Variants in HERPUD1 observed in about 807,000 individuals in gnomAD.
HERPUD1 encodes homocysteine inducible ER protein with ubiquitin like domain 1, also known as homocysteine-responsive endoplasmic reticulum-resident ubiquitin-like domain member 1 protein.
HERPUD1 carries 17 observed loss-of-function variants against 45.0 expected under a neutral mutation model. That is an observed-to-expected ratio of 0.38 (90% CI 0.26 to 0.57). The LOEUF (loss-of-function observed/expected upper bound fraction) is 0.57. HERPUD1 is among the 20% of genes least tolerant of loss of function. The pLI is 0.72. For synonymous variants in HERPUD1, 164 were observed against 177.5 expected (o/e 0.92, Z 0.61); for missense variants, 420 against 490.5 (o/e 0.86, Z 1.36).
intron 6 of HERPUD1, chr16:56,941,403 T>C (rs1486295281): frequency 3.3e-5 from 5 of 152,220 alleles, no homozygotes; most frequent in Non-Finnish European, 5.9e-5. Context: ...GTGGTCCTGC[T>C]GGCGTCTAGT....
intron 4 of HERPUD1, 136 bp from the exon 5 acceptor site, chr16:56,939,101 T>G: frequency 1.1e-6 from 1 of 900,738 alleles, no homozygotes; most frequent in Non-Finnish European, 1.7e-6. Context: ...CGTCATACAG[T>G]CATTTACCAT....
Position 56,942,167 on chromosome 16 carries a change from C to G in HERPUD1, c.941C>G (p.Pro314Arg), listed in dbSNP as rs778038556. ...GGGTGGTTTCCATTTAGACCGAGGC[C>G]GGTTCAGAACTTCCCAAATGATGGT... ...HVGWFPFRPR[P>R]VQNFPNDGPP... The change falls in exon 7 of 8, where the codon CCG becomes CGG. Residue 314 changes from proline (P) to arginine (R), a missense_variant. Physicochemically the swap from Pro to Arg is moderately radical, Grantham distance 103 (BLOSUM62 -2). Coordinates refer to ENST00000439977, the MANE Select transcript of HERPUD1 (RefSeq NM_014685.4). The G allele has an allele frequency of 1.2e-6, 2 of 1,614,030 alleles. No individual in the cohort carries two copies. The highest frequency in any genetic ancestry group is 1.1e-5 in the South Asian group (1 of 91,076).
intron 5 of HERPUD1, 26 bp from the exon 6 acceptor site, chr16:56,939,869 A>G (rs2144823624): frequency 3.2e-6 from 5 of 1,578,160 alleles, no homozygotes; most frequent in Non-Finnish European, 4.4e-6. Flanking sequence ...TCTCAACAGT[A>G]TCTGCCTCTG....
At position 56,943,169 on chromosome 16, in the gene HERPUD1, C is replaced by G. The variant is rs369429331; in HGVS notation, c.1055C>G (p.Pro352Arg). The change falls in exon 8 of 8, where the codon CCA (proline) becomes CGA (arginine). Residue 352 changes from proline (P) to arginine (R), a missense_variant. Physicochemically the swap from Pro to Arg is moderately radical, Grantham distance 103. Transcript: ENST00000439977. The stretch of plus-strand genomic sequence containing the variant: ...ACTGAAGACCCCAACCACCTCCCTC[C>G]AGACAGGGATGTACTAGATGGCGAG... ...PETEDPNHLP[P>R]DRDVLDGEQT... The G allele has an allele frequency of 3.1e-6, 5 of 1,614,082 alleles. No homozygotes were observed. The African/African-American group carries it at 6.7e-5, about 22-fold the overall frequency.
Position 56,936,997 on chromosome 16 carries a change from C to G in HERPUD1, c.431+180C>G, listed in dbSNP as rs112497343. On this transcript the variant is annotated intron_variant, in intron 4 of 7. Transcript: ENST00000439977. ...TATTTAACTTTTCTTAATACACAGC[C>G]TTTTAGTACACACAAATTTAAAAAG... The G allele has an allele frequency of 2.2e-3, 1,044 of 474,742 alleles. 11 individuals carry two copies. The highest frequency in any genetic ancestry group is 0.019 in the African/African-American group (950 of 49,630). The allele number at this position is 474,742 out of a possible 1,614,324, so 29.4% of individuals were successfully genotyped here. A position where few individuals can be genotyped will look rare whatever the true frequency, so the allele number is the denominator to read the frequency against.
At chr16:56,932,592 A>C (rs2144813416) in intron 1 of HERPUD1, among the ~76,000 whole-genome samples, 2 of 152,340 alleles carry the variant, frequency 1.3e-5, no homozygotes, top group East Asian at 3.9e-4. Flanking sequence ...AGCCGTCAGT[A>C]ATCAGCAGCC....
At chr16:56,939,047 G>C in intron 4 of HERPUD1, 190 bp from the exon 5 acceptor site, 1 of 617,386 alleles carries the variant, frequency 1.6e-6, no homozygotes, top group Non-Finnish European at 2.8e-6. Context: ...TGTGGTAGAA[G>C]TGCTGTGTCA....
chr16:56,938,819 T>A (rs1227826337), intron 4 of HERPUD1, among the ~76,000 whole-genome samples: 1 of 151,786 alleles, frequency 6.6e-6, no homozygotes, highest in East Asian at 1.9e-4. Context: ...GAGGAAGAAG[T>A]GGATATTGGG....
chr16:56,934,184 A>G (rs1472975868), intron 1 of HERPUD1, among the ~76,000 whole-genome samples: 1 of 152,244 alleles, frequency 6.6e-6, no homozygotes, highest in East Asian at 1.9e-4. Flanking sequence ...GATCTCCAAT[A>G]GACAGATTAT....
chr16:56,939,455 A>G, intron 5 of HERPUD1, 96 bp downstream of exon 5: 1 of 1,485,620 alleles, frequency 6.7e-7, no homozygotes, highest in Non-Finnish European at 9.3e-7. Context: ...TGGAGGGATG[A>G]GTGTATTTTC....
chr16:56,940,148 T>C lies in HERPUD1; in HGVS notation c.808T>C (p.Ser270Pro). The change falls in exon 6 of 8, where the codon TCA becomes CCA. Residue 270 changes from serine to proline, a missense_variant. Coordinates refer to ENST00000439977, the MANE Select transcript of HERPUD1 (RefSeq NM_014685.4). ...INRDWLDWTYSAATFSVFLSI... is the reference protein window; with the variant it reads ...INRDWLDWTYPAATFSVFLSI... Reference sequence around the variant, plus strand: ...TCGAGATTGGTTGGATTGGACCTATTCAGCAGCTACATTTTCTGTTTTTCT... The same window carrying C: ...TCGAGATTGGTTGGATTGGACCTATCCAGCAGCTACATTTTCTGTTTTTCT... 2 of 1,614,212 alleles carry C rather than the reference T, an allele frequency of 1.2e-6. No homozygotes were observed. Among genetic ancestry groups the C allele is most frequent in the Non-Finnish European group, 1.7e-6 (2 of 1,180,024 alleles).
At chr16:56,936,580 G>T in intron 3 of HERPUD1, 107 bp from the exon 4 acceptor site, 2 of 1,003,858 alleles carry the variant, frequency 2.0e-6, no homozygotes, top group Non-Finnish European at 2.7e-6. Context: ...ACGTTCAGAG[G>T]TGGGGGGTAG....
intron 1 of HERPUD1, 180 bp from the exon 2 acceptor site, chr16:56,935,055 T>A: frequency 1.7e-6 from 1 of 585,474 alleles, no homozygotes; most frequent in Non-Finnish European, 3.1e-6. Context: ...AGAGACCAGT[T>A]AAAGTTAAGA....
chr16:56,939,828 T>A, intron 5 of HERPUD1, 67 bp from the exon 6 acceptor site: 1 of 1,249,552 alleles, frequency 8.0e-7, no homozygotes, highest in South Asian at 1.4e-5. Flanking sequence ...GACTGCTGTG[T>A]AAATAAGCCA....
At chr16:56,939,778 C>T in intron 5 of HERPUD1, 117 bp from the exon 6 acceptor site, 1 of 740,094 alleles carries the variant, frequency 1.4e-6, no homozygotes, top group Admixed American at 2.8e-5. Flanking sequence ...GAAGAAAAAT[C>T]AAAGGCATAT....
intron 6 of HERPUD1, 26 bp from the exon 7 acceptor site, chr16:56,942,106 T>C: frequency 6.3e-7 from 1 of 1,580,402 alleles, no homozygotes; most frequent in Non-Finnish European, 8.7e-7. Context: ...TCAGCTAAGA[T>C]GGACTTTTAT....
chr16:56,940,282 A>G (rs2055899834), intron 6 of HERPUD1, 37 bp downstream of exon 6: 1 of 1,422,394 alleles, frequency 7.0e-7, no homozygotes, highest in Non-Finnish European at 9.8e-7. Flanking sequence ...ATTACACTAC[A>G]CTGTGTTCAC....
intron 6 of HERPUD1, chr16:56,941,658 ATTG>A (rs1394224266): frequency 6.6e-6 from 1 of 152,314 alleles, no homozygotes; most frequent in Non-Finnish European, 1.5e-5. Flanking sequence ...ACAATTAGTC[ATTG>A]TTAATATTTT....
chr16:56,938,511 C>A (rs1360968073), intron 4 of HERPUD1, among the ~76,000 whole-genome samples: 2 of 150,674 alleles, frequency 1.3e-5, no homozygotes, highest in Non-Finnish European at 2.9e-5. Context: ...TGCAGTGAGC[C>A]GAGATTGCGC....
Sources: gnomAD v4.1 joint callset for allele counts (sites outside exome capture counted in the v4.1 genomes callset) on GRCh38, gnomAD v4.1.1 for gene constraint, MANE v1.5 for transcripts, NCBI Gene and HGNC (gene_info 2026-07-23, HGNC 2026-07-21) for gene names.